The following PDCD10 variants were observed in gnomAD, a reference collection of about 807,000 sequenced individuals.
The protein encoded by PDCD10 is programmed cell death 10.
In PDCD10, 4 loss-of-function variants were observed where a neutral mutation model predicts 29.2. The ratio of observed to expected loss-of-function variants is 0.14; its 90% CI spans 0.07 to 0.31. The LOEUF (loss-of-function observed/expected upper bound fraction) is 0.31. Among genes scored for constraint, PDCD10 ranks in the 10% least tolerant of loss-of-function variants. The probability of loss-of-function intolerance (pLI) is 1.00; values close to 1 mark genes in which losing one functional copy is unlikely to be tolerated. For synonymous variants in PDCD10, 70 were observed against 82.2 expected, an observed-to-expected ratio of 0.85 and a Z score of 0.80; for missense variants, 183 against 257.9, an observed-to-expected ratio of 0.71 and a Z score of 1.99.
intron 2 of PDCD10, among the ~76,000 whole-genome samples, chr3:167,733,590 G>A (rs1725042683): frequency 6.6e-6 from 1 of 152,070 alleles, no homozygotes; most frequent in South Asian, 2.1e-4. Flanking sequence ...CAAAAAAGAC[G>A]ATGTTACCTC....
At chr3:167,726,108 A>G (rs1158842746) in intron 2 of PDCD10, among the ~76,000 whole-genome samples, 1 of 137,174 alleles carries the variant, frequency 7.3e-6, no homozygotes, top group Admixed American at 7.2e-5. Context: ...TATTTTGTAG[A>G]GTACTGTTTT....
intron 2 of PDCD10, among the ~76,000 whole-genome samples, chr3:167,727,215 T>A (rs1341938504): frequency 6.6e-6 from 1 of 152,198 alleles, no homozygotes; most frequent in Non-Finnish European, 1.5e-5. Context: ...AATCAAAAGT[T>A]GACAACAAAA....
intron 2 of PDCD10, among the ~76,000 whole-genome samples, chr3:167,727,561 T>C (rs1724329930): frequency 6.6e-6 from 1 of 152,214 alleles, no homozygotes; most frequent in Non-Finnish European, 1.5e-5. Flanking sequence ...ACATGTCTAT[T>C]TTCCTTTTTA....
At chr3:167,722,722 T>C (rs923789612) in intron 2 of PDCD10, among the ~76,000 whole-genome samples, 11 of 152,108 alleles carry the variant, frequency 7.2e-5, no homozygotes, top group African/African-American at 2.7e-4. Context: ...TTTGAACACA[T>C]ACGCATATAA....
chr3:167,722,700 G>A (rs946142567), intron 2 of PDCD10, among the ~76,000 whole-genome samples: 6 of 152,116 alleles, frequency 3.9e-5, no homozygotes, highest in African/African-American at 1.4e-4. Flanking sequence ...AATTACTCTT[G>A]TGTTTCACTC....
At chr3:167,713,616 A>G (rs946762023) in intron 3 of PDCD10, among the ~76,000 whole-genome samples, 2 of 152,026 alleles carry the variant, frequency 1.3e-5, no homozygotes, top group African/African-American at 4.8e-5. Context: ...CAATGAAACA[A>G]AAACTTGGTT....
intron 3 of PDCD10, among the ~76,000 whole-genome samples, chr3:167,717,121 T>G (rs1343749195): frequency 6.6e-6 from 1 of 152,050 alleles, no homozygotes; most frequent in Non-Finnish European, 1.5e-5. Flanking sequence ...AGCAGCTGAT[T>G]AAACAAGAAG....
At chr3:167,697,670 T>C (rs907909095) in intron 4 of PDCD10, among the ~76,000 whole-genome samples, 1 of 152,194 alleles carries the variant, frequency 6.6e-6, no homozygotes, top group Non-Finnish European at 1.5e-5. Context: ...ATGATTTTCA[T>C]TTCCTATTTT....
chr3:167,696,917 G>A lies in PDCD10; in HGVS notation c.268+92C>T. The A allele has an allele frequency of 3.8e-6, 3 of 788,058 alleles. No homozygotes were observed. In the Admixed American group the frequency reaches 5.1e-5, roughly 13 times the overall value. The allele number at this position is 788,058 out of a possible 1,614,324, so 48.8% of individuals were successfully genotyped here. ...TGAAAGGGAGGGAGGGAAAACAGTA[G>A]GGAAGGAAGATCCTTTGGTCAAATA... is the stretch of plus-strand genomic sequence containing the variant. On this transcript the variant is annotated intron_variant, in intron 5 of 8. Coordinates refer to ENST00000392750, the MANE Select transcript of PDCD10 (RefSeq NM_007217.4).
intron 3 of PDCD10, among the ~76,000 whole-genome samples, chr3:167,709,942 A>AGCTG (rs1238771672): frequency 6.6e-6 from 1 of 152,168 alleles, no homozygotes; most frequent in African/African-American, 2.4e-5. Flanking sequence ...ACCCCATTCC[A>AGCTG]GGCCCTATCT....
chr3:167,722,347 C>T (rs1016598526), intron 2 of PDCD10, among the ~76,000 whole-genome samples: 2 of 152,070 alleles, frequency 1.3e-5, no homozygotes, highest in South Asian at 2.1e-4. Context: ...CCCCATTAAA[C>T]GTGTTTTATA....
At chr3:167,707,306 C>A (rs1045208128) in intron 3 of PDCD10, among the ~76,000 whole-genome samples, 2 of 152,176 alleles carry the variant, frequency 1.3e-5, no homozygotes, top group Admixed American at 6.5e-5. Flanking sequence ...AAAATTTCCA[C>A]TTTGTTTTCA....
chr3:167,734,609 G>A (rs560980478), intron 1 of PDCD10, 53 bp downstream of exon 1: 1 of 152,538 alleles, frequency 6.6e-6, no homozygotes, highest in Non-Finnish European at 1.5e-5. Context: ...CAAGCCGGCA[G>A]GCGGCATTTA....
intron 4 of PDCD10, among the ~76,000 whole-genome samples, chr3:167,701,780 A>C (rs1577339324): frequency 6.6e-6 from 1 of 152,190 alleles, no homozygotes; most frequent in Middle Eastern, 3.4e-3. Context: ...TTATAGAAAA[A>C]CCCATCGAGC....
chr3:167,698,882 C>T (rs1406884484), intron 4 of PDCD10, among the ~76,000 whole-genome samples: 1 of 152,156 alleles, frequency 6.6e-6, no homozygotes, highest in African/African-American at 2.4e-5. Context: ...CCCCAAAATG[C>T]TAAAGCTAGA....
chr3:167,712,498 A>G (rs1416397287), intron 3 of PDCD10, among the ~76,000 whole-genome samples: 1 of 152,090 alleles, frequency 6.6e-6, no homozygotes, highest in Non-Finnish European at 1.5e-5. Context: ...AAATTAAAAC[A>G]TACCACCAGA....
chr3:167,702,121 A>G (rs1357126573), intron 4 of PDCD10, among the ~76,000 whole-genome samples: 2 of 152,192 alleles, frequency 1.3e-5, no homozygotes, highest in Non-Finnish European at 2.9e-5. Context: ...TACTGTACAG[A>G]AACATTTTTA....
At position 167,704,909 on chromosome 3, in the gene PDCD10, T is replaced by G. The variant is rs1721824378; in HGVS notation, c.97-14A>C. 2 of 1,571,944 alleles carry G rather than the reference T, an allele frequency of 1.3e-6. No homozygotes were observed. Among genetic ancestry groups the G allele is most frequent in the Admixed American group, 1.7e-5 (1 of 59,714 alleles). On this transcript the variant is annotated splice_polypyrimidine_tract_variant and intron_variant, in intron 3 of 8. Coordinates refer to ENST00000392750, the MANE Select transcript of PDCD10 (RefSeq NM_007217.4). ...TACTCGTTCTAGCTGCAATAAAAAT[T>G]TTAAATTATTATGAATATCAACTTT...
chr3:167,704,806 C>T lies in PDCD10; in HGVS notation c.150+36G>A, dbSNP rs149447899. ...TGTACTTACATTTACAAAGAACATA[C>T]ACTTTAATAATCATAGTAAATTATT... On this transcript the variant is annotated intron_variant, in intron 4 of 8. Transcript: ENST00000392750. 2.7e-4 allele frequency: 370 copies of T among 1,393,424 alleles called. No individual in the cohort carries two copies. The African/African-American group carries it at 4.7e-3, about 18-fold the overall frequency. 86.3% of individuals were successfully genotyped at this position (1,393,424 alleles called of 1,614,324 possible).
Sources: allele counts gnomAD v4.1 joint callset (sites outside exome capture counted in the v4.1 genomes callset), GRCh38; gene constraint gnomAD v4.1.1; transcripts MANE v1.5; gene names NCBI Gene and HGNC (gene_info 2026-07-23, HGNC 2026-07-21).